Variants in TNFAIP8 observed in about 807,000 individuals in gnomAD.
The protein encoded by TNFAIP8 is TNF alpha induced protein 8.
A neutral mutation model predicts 13.3 loss-of-function variants in TNFAIP8; 7 were observed. The observed-to-expected ratio is 0.52, with a 90% CI of 0.30 to 0.99. TNFAIP8 has a LOEUF of 0.99. Ranked by LOEUF, TNFAIP8 falls within the 50% of genes least tolerant of loss-of-function variation. TNFAIP8 has a pLI of 0.07. For missense variants in TNFAIP8, 258 were observed against 236.9 expected (o/e 1.09, Z -0.58); for synonymous variants, 94 against 87.6 (o/e 1.07, Z -0.41).
upstream of TNFAIP8, chr5:119,355,809 C>G: frequency 1.3e-6 from 1 of 755,322 alleles, no homozygotes; most frequent in Non-Finnish European, 1.7e-6. Flanking sequence ...CCGGGCCGAG[C>G]CAGCCCCGCC....
In TNFAIP8 at chr5:119,394,969, T is replaced by A. The variant is rs556992885; in HGVS notation, c.*1588T>A. On this transcript the variant is annotated 3_prime_UTR_variant, in exon 2 of 2. Transcript: ENST00000504771. ...CAGAATATTGACATTAAAATAATAG[T>A]TTACCAGGAAAGGTTCCACAACTAA... The A allele has an allele frequency of 6.6e-6, 1 of 152,248 alleles. No individual in the cohort carries two copies. The highest frequency in any genetic ancestry group is 1.9e-4 in the East Asian group (1 of 5,174). The allele number at this position is 152,248 out of a possible 1,614,324, so 9.4% of individuals were successfully genotyped here.
At chr5:119,365,121 G>A (rs561857243) in intron 1 of TNFAIP8, among the ~76,000 whole-genome samples, 1 of 151,874 alleles carries the variant, frequency 6.6e-6, no homozygotes, top group Non-Finnish European at 1.5e-5. Context: ...CAAAGTGCTG[G>A]GATTACAGGT....
At chr5:119,374,942 G>T (rs964434209) in intron 1 of TNFAIP8, among the ~76,000 whole-genome samples, 3 of 152,152 alleles carry the variant, frequency 2.0e-5, no homozygotes, top group Non-Finnish European at 4.4e-5. Context: ...TGATGGACAT[G>T]TCCTGGAGTT....
chr5:119,292,671 TATATATATATATATACACACACAC>T lies in TNFAIP8; in HGVS notation c.1+23766_1+23789del, dbSNP rs1294261795. ...ATATATATATATATATATATATATATATATATATATATATACACACACACACAATGAAATACTATTTAGCAATAA... is the reference window on the plus strand; with the variant it reads ...ATATATATATATATATATATATATATACAATGAAATACTATTTAGCAATAA... On this transcript the variant is annotated intron_variant, in intron 1 of 1. Transcript: ENST00000274456. 5.6e-3 allele frequency among the ~76,000 whole-genome samples: 210 copies of T among 37,736 alleles called. 24 individuals are homozygous for T. The East Asian group carries it at 0.2, about 36-fold the overall frequency. 24.8% of individuals were successfully genotyped at this position (37,736 alleles called of 152,430 possible). A position where few individuals can be genotyped will look rare whatever the true frequency, so the allele number is the denominator to read the frequency against.
intron 1 of TNFAIP8, among the ~76,000 whole-genome samples, chr5:119,336,700 T>G (rs1315971848): frequency 2.0e-5 from 3 of 152,342 alleles, no homozygotes; most frequent in Non-Finnish European, 4.4e-5. Flanking sequence ...TTAAGCTATT[T>G]GGATATAATA....
intron 1 of TNFAIP8, among the ~76,000 whole-genome samples, chr5:119,341,729 G>A (rs1466774827): frequency 6.6e-6 from 1 of 152,134 alleles, no homozygotes; most frequent in Non-Finnish European, 1.5e-5. Context: ...CTGGCCTTTA[G>A]GGGCTGAATC....
chr5:119,337,797 A>C (rs910652464), intron 1 of TNFAIP8, among the ~76,000 whole-genome samples: 4 of 152,152 alleles, frequency 2.6e-5, no homozygotes, highest in Admixed American at 2.0e-4. Flanking sequence ...TGCTCAGTTA[A>C]AGTTGCCACC....
intron 1 of TNFAIP8, among the ~76,000 whole-genome samples, chr5:119,375,125 A>G (rs1752234072): frequency 6.6e-6 from 1 of 152,234 alleles, no homozygotes; most frequent in Admixed American, 6.5e-5. Flanking sequence ...AAAAGTTTGT[A>G]AGCTTTGCTT....
At chr5:119,383,742 G>C (rs1437858559) in intron 1 of TNFAIP8, among the ~76,000 whole-genome samples, 1 of 152,196 alleles carries the variant, frequency 6.6e-6, no homozygotes, top group Non-Finnish European at 1.5e-5. Context: ...GAACTGCAGT[G>C]GGTGGCAAAG....
At chr5:119,292,663 T>C (rs1481504002) in intron 1 of TNFAIP8, among the ~76,000 whole-genome samples, 3 of 44,280 alleles carry the variant, frequency 6.8e-5, no homozygotes, top group African/African-American at 1.5e-4. Flanking sequence ...TATATATATA[T>C]ATATATATAT....
chr5:119,277,386 A>C lies in TNFAIP8; in HGVS notation c.1+8479A>C, dbSNP rs182627331. 2.0e-4 allele frequency among the ~76,000 whole-genome samples: 31 copies of C among 152,270 alleles called. No individual in the cohort carries two copies. In the East Asian group the frequency reaches 5.2e-3, roughly 26 times the overall value. ...GCTTTTGATTTTTTAGTGTAGACAC[A>C]AGTTTCCATCAGGGATTTTTTTTTT... On this transcript the variant is annotated intron_variant, in intron 1 of 1. Transcript: ENST00000274456.
chr5:119,346,060 C>G (rs1318420153), intron 1 of TNFAIP8, among the ~76,000 whole-genome samples: 1 of 152,180 alleles, frequency 6.6e-6, no homozygotes, highest in Non-Finnish European at 1.5e-5. Flanking sequence ...ATGCTTCTCT[C>G]TGCTCCAGAC....
intron 1 of TNFAIP8, among the ~76,000 whole-genome samples, chr5:119,291,222 G>C (rs1442373492): frequency 6.6e-6 from 1 of 152,180 alleles, no homozygotes; most frequent in Non-Finnish European, 1.5e-5. Flanking sequence ...GATAGCAAGG[G>C]CTATAGGGCC....
chr5:119,313,139 A>G (rs1749783821), intron 1 of TNFAIP8, among the ~76,000 whole-genome samples: 1 of 152,258 alleles, frequency 6.6e-6, no homozygotes, highest in Non-Finnish European at 1.5e-5. Context: ...AGAAATTTCC[A>G]GAACAATTGG....
At chr5:119,346,828 G>A (rs1750915663) in intron 1 of TNFAIP8, among the ~76,000 whole-genome samples, 1 of 152,276 alleles carries the variant, frequency 6.6e-6, no homozygotes, top group Admixed American at 6.5e-5. Flanking sequence ...AGGTACACTG[G>A]CACATAATTT....
intron 1 of TNFAIP8, among the ~76,000 whole-genome samples, chr5:119,361,596 C>T (rs1184011499): frequency 6.6e-6 from 1 of 152,206 alleles, no homozygotes; most frequent in African/African-American, 2.4e-5. Context: ...GCAGAATTCC[C>T]TACGTGGCTC....
intron 1 of TNFAIP8, among the ~76,000 whole-genome samples, chr5:119,279,283 T>C (rs769549545): frequency 2.0e-4 from 31 of 152,342 alleles, no homozygotes; most frequent in Admixed American, 1.0e-3. Context: ...GGTGTTACTC[T>C]TCAATAATAC....
At chr5:119,351,443 G>A (rs144325164), upstream of TNFAIP8, among the ~76,000 whole-genome samples, 57 of 152,218 alleles carry the variant, frequency 3.7e-4, 1 homozygote, top group African/African-American at 1.2e-3. Context: ...AGTTACCTGA[G>A]ATAGTCAACA....
At chr5:119,310,816 G>A (rs1749706435) in intron 1 of TNFAIP8, among the ~76,000 whole-genome samples, 1 of 152,034 alleles carries the variant, frequency 6.6e-6, no homozygotes, top group South Asian at 2.1e-4. Context: ...GACAGATCGA[G>A]ACTCCACCAA....
Sources: gnomAD v4.1 joint callset for allele counts (sites outside exome capture counted in the v4.1 genomes callset) on GRCh38, gnomAD v4.1.1 for gene constraint, MANE v1.5 for transcripts, NCBI Gene and HGNC (gene_info 2026-07-23, HGNC 2026-07-21) for gene names.